UBE2Z: variants seen among roughly 807,000 people sequenced by gnomAD.
The protein encoded by UBE2Z is ubiquitin-conjugating enzyme E2 Z.
UBE2Z carries 10 observed loss-of-function variants against 32.6 expected under a neutral mutation model. The observed-to-expected ratio is 0.31, with a 90% CI of 0.19 to 0.52. The LOEUF (loss-of-function observed/expected upper bound fraction) is 0.52, where lower values mean the gene tolerates loss of function less well. Ranked by LOEUF, UBE2Z falls within the 20% of genes least tolerant of loss-of-function variation. UBE2Z has a pLI of 0.97. For missense variants in UBE2Z, 343 were observed against 480.9 expected (o/e 0.71, Z 2.68); for synonymous variants, 183 against 190.8 (o/e 0.96, Z 0.34).
At chr17:48,922,703 G>T in intron 5 of UBE2Z, 144 bp from the exon 6 acceptor site, 1 of 511,722 alleles carries the variant, frequency 2.0e-6, no homozygotes, top group East Asian at 3.3e-5. Context: ...GGAGGCAGAG[G>T]TCACAGTGAG....
At chr17:48,923,225 GC>G in intron 6 of UBE2Z, 1 of 193,716 alleles carries the variant, frequency 5.2e-6, no homozygotes, top group Non-Finnish European at 1.0e-5. Context: ...GGAGGCTGAG[GC>G]AGGAGAATCA....
intron 1 of UBE2Z, among the ~76,000 whole-genome samples, chr17:48,909,966 C>T (rs544208026): frequency 1.3e-5 from 2 of 152,220 alleles, no homozygotes; most frequent in Non-Finnish European, 2.9e-5. Context: ...ACTCAGCACT[C>T]AACTCTTTTC....
rs2040646085 is a variant in UBE2Z at position 48,908,523 on chromosome 17, A to G, written c.20A>G (p.Glu7Gly). 8.1e-7 allele frequency: 1 copy of G among 1,236,352 alleles called. No individual in the cohort carries two copies. Among genetic ancestry groups the G allele is most frequent in the Non-Finnish European group, 1.0e-6 (1 of 988,636 alleles). The allele number at this position is 1,236,352 out of a possible 1,614,324, so 76.6% of individuals were successfully genotyped here. Residue 7 changes from glutamate to glycine, a missense_variant, in exon 1 of 7, where the codon GAG (glutamate) becomes GGG (glycine). Physicochemically the swap from Glu to Gly is moderately conservative, Grantham distance 98 (BLOSUM62 -2). This residue lies in a region of UBE2Z where 103 missense variants were observed against 96.2 expected (regional missense o/e 1.07). Transcript: ENST00000360943. Reference protein sequence around the residue: MAESPTEEAATAGAGAA... With the variant: MAESPTGEAATAGAGAA... ...GCAGCGATGGCGGAGAGTCCGACTGAGGAGGCGGCAACGGCGGGCGCCGGG... is the reference window on the plus strand; with the variant it reads ...GCAGCGATGGCGGAGAGTCCGACTGGGGAGGCGGCAACGGCGGGCGCCGGG...
At chr17:48,910,433 G>A (rs1458143548) in intron 1 of UBE2Z, 2 of 198,974 alleles carry the variant, frequency 1.0e-5, no homozygotes, top group African/African-American at 2.3e-5. Flanking sequence ...TCTTCATTTA[G>A]CATTCAGTCG....
rs1202444646 is a variant in UBE2Z, at chr17:48,908,429, TGCGGGAGCGG to T, written c.-66_-57del. On this transcript the variant is annotated 5_prime_UTR_variant, in exon 1 of 7. Coordinates refer to ENST00000360943, the MANE Select transcript of UBE2Z (RefSeq NM_023079.5). ...GACACTCTGGCCCGGTTCTCGGTGGTGCGGGAGCGGGCGGGAGCAGCGGCCGCTCTGGTCG... is the reference window on the plus strand; with the variant it reads ...GACACTCTGGCCCGGTTCTCGGTGGTGCGGGAGCAGCGGCCGCTCTGGTCG... 197 of 1,184,202 alleles carry T rather than the reference TGCGGGAGCGG, an allele frequency of 1.7e-4. No homozygotes were observed. Among genetic ancestry groups the T allele is most frequent in the Middle Eastern group, 6.2e-4 (2 of 3,218 alleles). The allele number at this position is 1,184,202 out of a possible 1,614,324, so 73.4% of individuals were successfully genotyped here.
chr17:48,922,630 G>A (rs1003774237), intron 5 of UBE2Z, among the ~76,000 whole-genome samples: 4 of 151,894 alleles, frequency 2.6e-5, no homozygotes, highest in African/African-American at 7.3e-5. Flanking sequence ...AGCCAGGCGT[G>A]GTGGCATATG....
At chr17:48,922,737 A>G in intron 5 of UBE2Z, 110 bp from the exon 6 acceptor site, 2 of 749,564 alleles carry the variant, frequency 2.7e-6, no homozygotes, top group Non-Finnish European at 2.1e-6. Context: ...ACTGCACTCC[A>G]ACATGGGCTA....
chr17:48,916,031 ATTCT>A, intron 3 of UBE2Z, 41 bp from the exon 4 acceptor site: 1 of 1,406,246 alleles, frequency 7.1e-7, no homozygotes. Flanking sequence ...CTTGTTCCCT[ATTCT>A]TTCTCTGCCT....
intron 3 of UBE2Z, among the ~76,000 whole-genome samples, chr17:48,914,668 G>A (rs1488541872): frequency 6.6e-6 from 1 of 152,196 alleles, no homozygotes; most frequent in African/African-American, 2.4e-5. Context: ...AGTAGTAGAA[G>A]TGTGTTAGGT....
intron 4 of UBE2Z, among the ~76,000 whole-genome samples, chr17:48,919,855 A>G (rs955373195): frequency 6.6e-6 from 1 of 152,182 alleles, no homozygotes; most frequent in Non-Finnish European, 1.5e-5. Flanking sequence ...GTTAACCAGG[A>G]AGCATCCTTT....
At chr17:48,910,649 G>C (rs2143756810) in intron 1 of UBE2Z, 159 bp from the exon 2 acceptor site, 1 of 598,716 alleles carries the variant, frequency 1.7e-6, no homozygotes, top group Non-Finnish European at 3.1e-6. Flanking sequence ...ACTCAGCTGA[G>C]ATTTCTCAGC....
chr17:48,919,792 T>C (rs1409785868), intron 4 of UBE2Z, among the ~76,000 whole-genome samples: 1 of 152,174 alleles, frequency 6.6e-6, no homozygotes, highest in African/African-American at 2.4e-5. Flanking sequence ...TTCTGATTTA[T>C]AATAATTGGT....
rs551250375 is a variant in UBE2Z at position 48,928,119 on chromosome 17, GTCC to G, written c.*991_*993del. ...TTGTGTATTTTCACCCCAGCCTGTA[GTCC>G]TCCTCACTTCAACCCCAGGGATTTT... On this transcript the variant is annotated 3_prime_UTR_variant, in exon 7 of 7. Coordinates refer to ENST00000360943, the MANE Select transcript of UBE2Z (RefSeq NM_023079.5). 6.6e-4 allele frequency: 100 copies of G among 152,366 alleles called. No homozygotes were observed. The highest frequency in any genetic ancestry group is 2.2e-3 in the African/African-American group (91 of 41,560). The allele number at this position is 152,366 out of a possible 1,614,324, so 9.4% of individuals were successfully genotyped here.
intron 6 of UBE2Z, 32 bp from the exon 7 acceptor site, chr17:48,926,932 A>G: frequency 6.3e-7 from 1 of 1,596,002 alleles, no homozygotes; most frequent in Non-Finnish European, 8.5e-7. Context: ...CCAGACTTGA[A>G]TCTTCCATCC....
intron 5 of UBE2Z, among the ~76,000 whole-genome samples, chr17:48,922,097 G>A (rs994299699): frequency 4.6e-5 from 7 of 152,052 alleles, no homozygotes; most frequent in Admixed American, 2.0e-4. Context: ...AGTCAACCAC[G>A]GGCAGTTAGG....
chr17:48,908,550 C>T lies in UBE2Z; in HGVS notation c.47C>T (p.Ala16Val), dbSNP rs998032788. 1.7e-5 allele frequency: 21 copies of T among 1,235,728 alleles called. No homozygotes were observed. Among genetic ancestry groups the T allele is most frequent in the Admixed American group, 1.7e-4 (4 of 23,606 alleles). 76.5% of individuals were successfully genotyped at this position (1,235,728 alleles called of 1,614,324 possible). The part of the protein sequence containing the change: ...TEEAATAGAG[A>V]AGPGASSVAG... ...GAGGCGGCAACGGCGGGCGCCGGGG[C>T]GGCGGGCCCCGGGGCGAGCAGCGTT... The change falls in exon 1 of 7, where the codon GCG becomes GTG. Residue 16 changes from alanine (A) to valine (V), a missense_variant. Transcript: ENST00000360943.
rs571303708 is a variant in UBE2Z, at chr17:48,927,344, G to A, written c.*210G>A. The A allele has an allele frequency of 1.5e-4, 83 of 563,388 alleles. No individual in the cohort carries two copies. Among genetic ancestry groups the A allele is most frequent in the Non-Finnish European group, 2.3e-4 (72 of 318,226 alleles). The allele number at this position is 563,388 out of a possible 1,614,324, so 34.9% of individuals were successfully genotyped here. ...TTGGCACTGGAGCATCTGGGGCTTC[G>A]TTCATCCATTCATCCCGTATCAGGG... On this transcript the variant is annotated 3_prime_UTR_variant, in exon 7 of 7. Coordinates refer to ENST00000360943, the MANE Select transcript of UBE2Z (RefSeq NM_023079.5).
intron 6 of UBE2Z, among the ~76,000 whole-genome samples, chr17:48,923,547 G>A (rs565679336): frequency 5.3e-5 from 8 of 151,570 alleles, no homozygotes; most frequent in Middle Eastern, 6.8e-3. Context: ...CAGGAGAATC[G>A]CTTGAACCTG....
intron 4 of UBE2Z, among the ~76,000 whole-genome samples, chr17:48,917,958 C>CA (rs2040732029): frequency 6.6e-6 from 1 of 152,092 alleles, no homozygotes; most frequent in South Asian, 2.1e-4. Context: ...TTTTTTGAGA[C>CA]AGAGTTTCAC....
Sources: allele counts gnomAD v4.1 joint callset (sites outside exome capture counted in the v4.1 genomes callset), GRCh38; gene constraint gnomAD v4.1.1; regional missense constraint gnomAD v4.1.1; transcripts MANE v1.5; gene names NCBI Gene and HGNC (gene_info 2026-07-23, HGNC 2026-07-21).